The following KIAA1549 variants were observed in gnomAD, a reference collection of about 807,000 sequenced individuals.
KIAA1549 encodes KIAA1549, also known as UPF0606 protein KIAA1549.
KIAA1549 carries 70 observed loss-of-function variants against 156.4 expected under a neutral mutation model. The observed-to-expected ratio is 0.45, with a 90% CI of 0.37 to 0.55. The LOEUF is 0.55. KIAA1549 is among the 20% of genes least tolerant of loss of function. The pLI, the probability that KIAA1549 is intolerant of heterozygous loss-of-function variation, is 0.00. For synonymous variants in KIAA1549, 1,103 were observed against 1,066.4 expected, an observed-to-expected ratio of 1.03 and a Z score of -0.67; for missense variants, 2,428 against 2,540.9, an observed-to-expected ratio of 0.96 and a Z score of 0.96.
At chr7:138,969,474 T>C (rs1427519313) in intron 1 of KIAA1549, among the ~76,000 whole-genome samples, 9 of 152,254 alleles carry the variant, frequency 5.9e-5, no homozygotes, top group Non-Finnish European at 1.2e-4. Flanking sequence ...CCTTCCTTTT[T>C]AAGGCTGAAC....
At chr7:138,858,676 T>C (rs909774727) in intron 16 of KIAA1549, among the ~76,000 whole-genome samples, 1 of 152,004 alleles carries the variant, frequency 6.6e-6, no homozygotes, top group African/African-American at 2.4e-5. Flanking sequence ...CCACCAACTG[T>C]TGGAAAAGGA....
intron 7 of KIAA1549, among the ~76,000 whole-genome samples, 185 bp from the exon 8 acceptor site, chr7:138,903,921 G>A (rs145642249): frequency 1.3e-5 from 2 of 151,580 alleles, no homozygotes; most frequent in East Asian, 3.9e-4. Flanking sequence ...CCAATTCCTA[G>A]ACAGAAAACA....
chr7:138,900,082 T>G (rs1811799124), intron 8 of KIAA1549, among the ~76,000 whole-genome samples: 1 of 152,220 alleles, frequency 6.6e-6, no homozygotes, highest in Non-Finnish European at 1.5e-5. Context: ...CATTTGCCAT[T>G]GGCAACATGC....
chr7:138,927,316 C>T (rs1447129566), intron 1 of KIAA1549, among the ~76,000 whole-genome samples: 2 of 152,278 alleles, frequency 1.3e-5, no homozygotes, highest in South Asian at 2.1e-4. Flanking sequence ...GTGTTATGTA[C>T]ATGTGTAGAT....
intron 1 of KIAA1549, among the ~76,000 whole-genome samples, chr7:138,966,779 G>A (rs578095486): frequency 6.6e-6 from 1 of 152,162 alleles, no homozygotes; most frequent in East Asian, 1.9e-4. Context: ...CAATCGAGTT[G>A]ACACTCAATA....
intron 1 of KIAA1549, among the ~76,000 whole-genome samples, chr7:138,919,812 T>C (rs1812506393): frequency 6.6e-6 from 1 of 152,066 alleles, no homozygotes; most frequent in African/African-American, 2.4e-5. Context: ...ATAAATCAAT[T>C]ATAAGACCAC....
At chr7:138,872,297 TG>T (rs1252868009) in intron 12 of KIAA1549, among the ~76,000 whole-genome samples, 1 of 150,490 alleles carries the variant, frequency 6.6e-6, no homozygotes, top group Non-Finnish European at 1.5e-5. Flanking sequence ...AATGGTTACA[TG>T]GCAAATTTTA....
intron 12 of KIAA1549, 58 bp from the exon 13 acceptor site, chr7:138,871,420 A>G: frequency 7.1e-7 from 1 of 1,406,316 alleles, no homozygotes; most frequent in Non-Finnish European, 9.5e-7. Flanking sequence ...AACAGCAACT[A>G]ATCAAAATTG....
At chr7:138,899,830 T>C (rs1008688542) in intron 8 of KIAA1549, among the ~76,000 whole-genome samples, 2 of 152,226 alleles carry the variant, frequency 1.3e-5, no homozygotes, top group Non-Finnish European at 2.9e-5. Flanking sequence ...AATAATACTT[T>C]GATTCATCCC....
At chr7:138,962,372 A>C (rs1351415633) in intron 1 of KIAA1549, among the ~76,000 whole-genome samples, 1 of 152,186 alleles carries the variant, frequency 6.6e-6, no homozygotes, top group Admixed American at 6.5e-5. Flanking sequence ...GTCAATGTCT[A>C]GGCTATTTCA....
chr7:138,859,913 A>G (rs1180645459), intron 16 of KIAA1549, among the ~76,000 whole-genome samples: 1 of 152,200 alleles, frequency 6.6e-6, no homozygotes, highest in African/African-American at 2.4e-5. Context: ...ACAACCACTA[A>G]TTATCCTTTA....
At position 138,925,829 on chromosome 7, in the gene KIAA1549, C is replaced by CAA. The variant is rs59066216; in HGVS notation, c.188-6393_188-6392dup. ...TGGGCAACAGAGCCAGATCCTGTCTCAAAAAAAAAAAAAAAAAAAAAAAAA... is the reference window on the plus strand; with the variant it reads ...TGGGCAACAGAGCCAGATCCTGTCTCAAAAAAAAAAAAAAAAAAAAAAAAAAA... On this transcript the variant is annotated intron_variant, in intron 1 of 19. Transcript: ENST00000422774. Among the ~76,000 whole-genome samples the CAA allele has an allele frequency of 4.2e-3, 186 of 44,566 alleles. 9 individuals carry two copies. The highest frequency in any genetic ancestry group is 5.9e-3 in the Non-Finnish European group (134 of 22,608). The allele number at this position is 44,566 out of a possible 152,430, so 29.2% of individuals were successfully genotyped here.
Position 138,903,710 on chromosome 7 carries a change from G to A in KIAA1549, c.3547C>T (p.Leu1183Phe). Residue 1183 changes from leucine to phenylalanine, a missense_variant, in exon 8 of 20, where the codon CTC becomes TTC. Leu to Phe is a conservative substitution (Grantham distance 22). Coordinates refer to ENST00000422774, the MANE Select transcript of KIAA1549 (RefSeq NM_001164665.2). ...TCGGCTTGAAACACTTCATTCTGGA[G>A]TTGCTTCTCCATGACGCCCAGGAGA... ...TVLLGVMEKQ[L>F]QNEVFQAEME... The A allele has an allele frequency of 6.2e-7, 1 of 1,603,934 alleles. No homozygotes were observed. The highest frequency in any genetic ancestry group is 1.1e-5 in the South Asian group (1 of 89,126).
chr7:138,904,502 T>C (rs908121768), intron 7 of KIAA1549, among the ~76,000 whole-genome samples: 4 of 152,060 alleles, frequency 2.6e-5, no homozygotes, highest in Non-Finnish European at 4.4e-5. Context: ...GTTCCTGTGC[T>C]GCATGCACAC....
At chr7:138,923,162 C>T (rs1349566922) in intron 1 of KIAA1549, among the ~76,000 whole-genome samples, 1 of 152,108 alleles carries the variant, frequency 6.6e-6, no homozygotes, top group Admixed American at 6.6e-5. Context: ...AGGTGAATAA[C>T]CAGGAAAAAT....
chr7:138,956,845 C>A (rs61665181), intron 1 of KIAA1549, among the ~76,000 whole-genome samples: 14,392 of 152,212 alleles, frequency 0.095, 747 homozygotes, highest in African/African-American at 0.12. Flanking sequence ...TTCCTTCCTA[C>A]ACACCCACCC....
rs183040202 is a variant in KIAA1549, at chr7:138,835,123, G to A, written c.*2783C>T. The A allele has an allele frequency of 4.9e-5, 11 of 222,920 alleles. No individual in the cohort carries two copies. The East Asian group carries it at 5.8e-4, about 12-fold the overall frequency. The allele number at this position is 222,920 out of a possible 1,614,324, so 13.8% of individuals were successfully genotyped here. A position where few individuals can be genotyped will look rare whatever the true frequency, so the allele number is the denominator to read the frequency against. Reference sequence around the variant, plus strand: ...CCATAAACGGACTCCAAAGCCACACGCTGTCAACGCAAGGACCCTTCCTTT... The same window carrying A: ...CCATAAACGGACTCCAAAGCCACACACTGTCAACGCAAGGACCCTTCCTTT... On this transcript the variant is annotated 3_prime_UTR_variant, in exon 20 of 20. Coordinates refer to ENST00000422774, the MANE Select transcript of KIAA1549 (RefSeq NM_001164665.2).
intron 1 of KIAA1549, among the ~76,000 whole-genome samples, chr7:138,980,281 C>A (rs1425687814): frequency 6.6e-6 from 1 of 152,244 alleles, no homozygotes; most frequent in East Asian, 1.9e-4. Context: ...TGTGTACAGG[C>A]TCAGGGTGGA....
intron 1 of KIAA1549, among the ~76,000 whole-genome samples, chr7:138,977,687 G>A (rs1324565444): frequency 2.7e-5 from 3 of 110,560 alleles, no homozygotes; most frequent in African/African-American, 1.2e-4. Context: ...CACACACACG[G>A]AAAGAAACAT....
Sources: allele counts gnomAD v4.1 joint callset (sites outside exome capture counted in the v4.1 genomes callset), GRCh38; gene constraint gnomAD v4.1.1; transcripts MANE v1.5; gene names NCBI Gene and HGNC (gene_info 2026-07-23, HGNC 2026-07-21).